Variants in OPCML observed in about 807,000 individuals in gnomAD.
The protein encoded by OPCML is opioid-binding protein/cell adhesion molecule.
Under a neutral mutation model 37.8 loss-of-function variants are expected in OPCML, and 13 were observed. That is an observed-to-expected ratio of 0.34 (90% CI 0.22 to 0.55). The LOEUF (loss-of-function observed/expected upper bound fraction) is 0.55, where lower values mean the gene tolerates loss of function less well. Ranked by LOEUF, OPCML falls within the 20% of genes least tolerant of loss-of-function variation. The pLI is 0.91. For missense variants in OPCML, 341 were observed against 435.6 expected, an observed-to-expected ratio of 0.78 and a Z score of 1.93; for synonymous variants, 176 against 168.8, an observed-to-expected ratio of 1.04 and a Z score of -0.33.
chr11:133,004,416 A>G (rs1947067734), intron 1 of OPCML: 1 of 985,418 alleles, frequency 1.0e-6, no homozygotes, highest in Non-Finnish European at 1.2e-6. Flanking sequence ...TCATCTGGCA[A>G]TTGACAGCCA....
intron 1 of OPCML, chr11:133,419,418 C>A (rs1945835820): frequency 1.3e-6 from 1 of 761,372 alleles, no homozygotes; most frequent in Middle Eastern, 6.6e-4. Flanking sequence ...TTATATGAGC[C>A]AATTACTAAA....
At chr11:132,881,780 C>T (rs1442704523) in intron 2 of OPCML, among the ~76,000 whole-genome samples, 1 of 152,164 alleles carries the variant, frequency 6.6e-6, no homozygotes, top group African/African-American at 2.4e-5. Flanking sequence ...ACTGTGACTG[C>T]GCAGTTGCTT....
intron 1 of OPCML, among the ~76,000 whole-genome samples, chr11:133,274,289 G>A (rs1941931511): frequency 6.6e-6 from 1 of 152,308 alleles, no homozygotes; most frequent in South Asian, 2.1e-4. Flanking sequence ...AGTCTTGGCA[G>A]ATGTGATTAG....
At chr11:133,271,496 C>T (rs1054630332) in intron 1 of OPCML, among the ~76,000 whole-genome samples, 8 of 152,106 alleles carry the variant, frequency 5.3e-5, no homozygotes, top group African/African-American at 1.9e-4. Context: ...TCATCATAGC[C>T]ATCAATAATA....
At chr11:133,162,696 G>C (rs1176090600) in intron 1 of OPCML, among the ~76,000 whole-genome samples, 1 of 152,022 alleles carries the variant, frequency 6.6e-6, no homozygotes, top group Non-Finnish European at 1.5e-5. Context: ...AAAGGAAAAG[G>C]GTCCCTGTTT....
At chr11:132,454,087 T>C (rs1383563822) in intron 4 of OPCML, among the ~76,000 whole-genome samples, 1 of 152,090 alleles carries the variant, frequency 6.6e-6, no homozygotes, top group African/African-American at 2.4e-5. Flanking sequence ...ACATGCTAGG[T>C]TTTTGCGGGG....
intron 2 of OPCML, among the ~76,000 whole-genome samples, chr11:132,873,768 G>A (rs76173494): frequency 6.9e-6 from 1 of 145,878 alleles, no homozygotes. Flanking sequence ...AAAGGTGAAA[G>A]ATAACAAAAA....
chr11:132,968,685 T>C (rs1946269652), intron 1 of OPCML, among the ~76,000 whole-genome samples: 1 of 152,236 alleles, frequency 6.6e-6, no homozygotes, highest in Admixed American at 6.5e-5. Context: ...ACAAATATTT[T>C]AAGCATATCA....
intron 1 of OPCML, among the ~76,000 whole-genome samples, chr11:133,523,624 T>G (rs544569705): frequency 7.8e-4 from 119 of 152,304 alleles, no homozygotes; most frequent in African/African-American, 2.3e-3. Flanking sequence ...TTCCATTATT[T>G]CTAGGATAAA....
chr11:133,200,631 T>C (rs1234577754), intron 1 of OPCML, among the ~76,000 whole-genome samples: 2 of 152,216 alleles, frequency 1.3e-5, no homozygotes, highest in Non-Finnish European at 2.9e-5. Flanking sequence ...ATAGATACAC[T>C]GATATTTTTA....
chr11:133,077,666 T>A (rs78942492), intron 1 of OPCML, among the ~76,000 whole-genome samples: 3 of 152,132 alleles, frequency 2.0e-5, no homozygotes. Context: ...AGTCAACTCA[T>A]TGGGAGAAGA....
chr11:133,038,553 C>T (rs536686264), intron 1 of OPCML, among the ~76,000 whole-genome samples: 8 of 152,032 alleles, frequency 5.3e-5, no homozygotes, highest in Non-Finnish European at 7.4e-5. Context: ...TATATAATGC[C>T]AGGCTCTAGC....
At chr11:133,469,315 T>C (rs1374681645) in intron 1 of OPCML, among the ~76,000 whole-genome samples, 1 of 152,238 alleles carries the variant, frequency 6.6e-6, no homozygotes, top group Non-Finnish European at 1.5e-5. Flanking sequence ...TCCTTAGTAC[T>C]GTGTTCCAGT....
chr11:132,944,072 C>T lies in OPCML; in HGVS notation c.62-1062G>A, dbSNP rs1373552427. 3.3e-5 allele frequency among the ~76,000 whole-genome samples: 5 copies of T among 152,052 alleles called. No individual in the cohort carries two copies. In the South Asian group the frequency reaches 6.2e-4, roughly 19 times the overall value. ...CCACCTTAACCTCCGCCGCGCCCAC[C>T]GGGCTGGGGATGCCTGCGGGGATGA... On this transcript the variant is annotated intron_variant, in intron 1 of 7. Coordinates refer to ENST00000524381, the MANE Select transcript of OPCML (RefSeq NM_001012393.5).
chr11:132,795,915 A>C (rs1391332077), intron 2 of OPCML, among the ~76,000 whole-genome samples: 2 of 152,206 alleles, frequency 1.3e-5, no homozygotes, highest in Non-Finnish European at 2.9e-5. Flanking sequence ...TGAGCTCCAC[A>C]TCCATGGATT....
chr11:133,425,874 C>A lies in OPCML; in HGVS notation c.61+106390G>T, dbSNP rs75675723. Among the ~76,000 whole-genome samples, 386 of 152,182 alleles carry A rather than the reference C, an allele frequency of 2.5e-3. 2 individuals carry two copies. The highest frequency in any genetic ancestry group is 8.9e-3 in the African/African-American group (370 of 41,520). ...TTTCACATTGCATTTTACTTCTTAC[C>A]TATGCATTTCTTAAAAATAAAATAA... On this transcript the variant is annotated intron_variant, in intron 1 of 7. Coordinates refer to ENST00000524381, the MANE Select transcript of OPCML (RefSeq NM_001012393.5).
chr11:133,136,489 G>C (rs553141169), intron 1 of OPCML, among the ~76,000 whole-genome samples: 1 of 152,274 alleles, frequency 6.6e-6, no homozygotes, highest in South Asian at 2.1e-4. Context: ...AGCACACCAG[G>C]AGCAGAAAGT....
At chr11:132,444,261 G>A (rs1487353165) in intron 4 of OPCML, among the ~76,000 whole-genome samples, 34 of 152,218 alleles carry the variant, frequency 2.2e-4, no homozygotes, top group Non-Finnish European at 4.3e-4. Flanking sequence ...GGGAGGCAAA[G>A]AGTGGACAGG....
intron 3 of OPCML, among the ~76,000 whole-genome samples, chr11:132,594,544 T>C (rs10791239): frequency 0.33 from 50,408 of 152,138 alleles, 9,990 homozygotes; most frequent in Non-Finnish European, 0.46. Flanking sequence ...AATTTTTATA[T>C]CTATAAATTT....
Sources: gnomAD v4.1 joint callset for allele counts (sites outside exome capture counted in the v4.1 genomes callset) on GRCh38, gnomAD v4.1.1 for gene constraint, MANE v1.5 for transcripts, NCBI Gene and HGNC (gene_info 2026-07-23, HGNC 2026-07-21) for gene names.